Variants in CXCL13 observed in about 807,000 individuals in gnomAD.
CXCL13 encodes the protein C-X-C motif chemokine 13.
In CXCL13, 7 loss-of-function variants were observed where a neutral mutation model predicts 12.2. The ratio of observed to expected loss-of-function variants is 0.57; its 90% confidence interval spans 0.33 to 1.07. The LOEUF is 1.07. Ranked by LOEUF, CXCL13 falls within the 50% of genes least tolerant of loss-of-function variation. The pLI is 0.04. For synonymous variants in CXCL13, 47 were observed against 42.4 expected (o/e 1.11, Z -0.42); for missense variants, 113 against 127.4 (o/e 0.89, Z 0.55).
chr4:77,597,948 T>A (rs1190939700), intron 1 of CXCL13, among the ~76,000 whole-genome samples: 1 of 152,196 alleles, frequency 6.6e-6, no homozygotes, highest in Non-Finnish European at 1.5e-5. Context: ...TCTTCGGAAC[T>A]TTGGCAAGCC....
chr4:77,516,730 T>C (rs1298144041), intron 1 of CXCL13, among the ~76,000 whole-genome samples: 3 of 152,192 alleles, frequency 2.0e-5, no homozygotes, highest in Non-Finnish European at 4.4e-5. Context: ...TAGTGGTCTA[T>C]CAATTTTGTT....
At chr4:77,521,711 T>C (rs1039765607) in intron 1 of CXCL13, among the ~76,000 whole-genome samples, 5 of 152,208 alleles carry the variant, frequency 3.3e-5, no homozygotes, top group African/African-American at 1.2e-4. Context: ...TGTCTCTCTT[T>C]CAATTCTTCT....
chr4:77,583,995 A>T (rs1395168206), intron 1 of CXCL13, among the ~76,000 whole-genome samples: 1 of 152,210 alleles, frequency 6.6e-6, no homozygotes, highest in Non-Finnish European at 1.5e-5. Flanking sequence ...AAAGTGGCAG[A>T]CAGGCAAGGT....
intron 1 of CXCL13, among the ~76,000 whole-genome samples, chr4:77,540,475 G>C (rs1273178887): frequency 6.6e-6 from 1 of 152,028 alleles, no homozygotes; most frequent in Non-Finnish European, 1.5e-5. Context: ...ACGTCCATGA[G>C]TACCCAGTGT....
intron 1 of CXCL13, among the ~76,000 whole-genome samples, chr4:77,538,559 T>A (rs187579654): frequency 1.8e-4 from 28 of 152,122 alleles, no homozygotes; most frequent in African/African-American, 6.5e-4. Flanking sequence ...CTGGCTAATT[T>A]GAAGAGAAAA....
In CXCL13 at chr4:77,607,818, T is replaced by C; in HGVS notation, c.180T>C (p.Cys60=). Residue 60 remains cysteine (C), a synonymous_variant, in exon 2 of 4, where the codon TGT becomes TGC. Coordinates refer to ENST00000682537, the MANE Select transcript of CXCL13 (RefSeq NM_001371558.1). ...AAATCTTGCCCCGTGGGAATGGTTGTCCAAGAAAAGAAATCATGTAAGTTT... is the reference window on the plus strand; with the variant it reads ...AAATCTTGCCCCGTGGGAATGGTTGCCCAAGAAAAGAAATCATGTAAGTTT... ...RIQILPRGNG[C]PRKEIIVWKK... is the part of the protein sequence containing the mutation. 1 of 1,614,006 alleles carries C rather than the reference T, an allele frequency of 6.2e-7. No homozygotes were observed. Among genetic ancestry groups the C allele is most frequent in the Non-Finnish European group, 8.5e-7 (1 of 1,179,970 alleles).
chr4:77,572,271 C>T (rs1480338886), intron 1 of CXCL13, among the ~76,000 whole-genome samples: 2 of 151,844 alleles, frequency 1.3e-5, no homozygotes, highest in Non-Finnish European at 2.9e-5. Context: ...AGTGGTGGCA[C>T]ATGCCTGTAA....
Position 77,529,368 on chromosome 4 carries a change from G to A in CXCL13, c.-43+17580G>A, listed in dbSNP as rs1033592958. ...GCATTGAATCTATAAATTACCTTGG[G>A]CAGAATGGCCATTTTCACAATATTG... On this transcript the variant is annotated intron_variant, in intron 1 of 4. Transcript: ENST00000286758. Among the ~76,000 whole-genome samples the A allele has an allele frequency of 7.2e-5, 11 of 152,266 alleles. 1 individual carries two copies. Among genetic ancestry groups the A allele is most frequent in the Admixed American group, 4.6e-4 (7 of 15,296 alleles).
At chr4:77,553,760 T>C (rs144196591) in intron 1 of CXCL13, among the ~76,000 whole-genome samples, 49 of 152,322 alleles carry the variant, frequency 3.2e-4, no homozygotes, top group African/African-American at 1.2e-3. Context: ...ACTACCTCGC[T>C]GTTTCCGAGT....
At chr4:77,597,985 A>G (rs1465643045) in intron 1 of CXCL13, among the ~76,000 whole-genome samples, 4 of 152,228 alleles carry the variant, frequency 2.6e-5, no homozygotes, top group African/African-American at 4.8e-5. Flanking sequence ...GCTTGATGTC[A>G]TTGGAGCTTG....
chr4:77,527,906 T>C (rs974904657), intron 1 of CXCL13, among the ~76,000 whole-genome samples: 1 of 152,134 alleles, frequency 6.6e-6, no homozygotes, highest in African/African-American at 2.4e-5. Context: ...ATTAGGTATA[T>C]CTCCTAATGC....
intron 1 of CXCL13, among the ~76,000 whole-genome samples, chr4:77,538,611 TAGTC>T (rs1177703873): frequency 2.6e-5 from 4 of 152,062 alleles, no homozygotes; most frequent in Non-Finnish European, 2.9e-5. Flanking sequence ...AAGAGGGTAA[TAGTC>T]AGGTTCACTC....
chr4:77,519,689 C>T (rs184521999), intron 1 of CXCL13, among the ~76,000 whole-genome samples: 1 of 152,248 alleles, frequency 6.6e-6, no homozygotes, highest in East Asian at 1.9e-4. Context: ...ATGGTAGTTT[C>T]TTTTGCTGTG....
At chr4:77,571,316 G>A (rs575040010) in intron 1 of CXCL13, among the ~76,000 whole-genome samples, 2,268 of 151,826 alleles carry the variant, frequency 0.015, 114 homozygotes, top group African/African-American at 0.052. Context: ...TCAGCACCCT[G>A]TGTTTAGCTC....
intron 1 of CXCL13, among the ~76,000 whole-genome samples, chr4:77,566,218 T>C (rs980074403): frequency 1.3e-5 from 2 of 152,222 alleles, no homozygotes; most frequent in African/African-American, 4.8e-5. Context: ...AATGGCCTTA[T>C]GGGATAAACT....
At position 77,607,734 on chromosome 4, in the gene CXCL13, G is replaced by T; in HGVS notation, c.96G>T (p.Arg32Ser). ...GVLEVYYTSL[R>S]CRCVQESSVF... is the part of the protein sequence containing the mutation. ...TGGAGGTCTATTACACAAGCTTGAG[G>T]TGTAGATGTGTCCAAGAGAGCTCAG... is the stretch of plus-strand genomic sequence containing the variant. The change falls in exon 2 of 4, where the codon AGG (arginine) becomes AGT (serine). Residue 32 changes from arginine (R) to serine (S), a missense_variant. Transcript: ENST00000682537. 2 of 1,613,950 alleles carry T rather than the reference G, an allele frequency of 1.2e-6. No individual in the cohort carries two copies. Among genetic ancestry groups the T allele is most frequent in the Non-Finnish European group, 1.7e-6 (2 of 1,179,850 alleles).
intron 1 of CXCL13, among the ~76,000 whole-genome samples, chr4:77,557,963 C>G (rs1725698694): frequency 6.6e-6 from 1 of 152,182 alleles, no homozygotes; most frequent in African/African-American, 2.4e-5. Context: ...TTCCATGCCT[C>G]TAAGAGCCAT....
At position 77,565,521 on chromosome 4, in the gene CXCL13, A is replaced by AAT. The variant is rs375759603; in HGVS notation, c.-42-40290_-42-40289dup. Among the ~76,000 whole-genome samples the AAT allele has an allele frequency of 9.3e-3, 1,416 of 151,960 alleles. 17 individuals are homozygous for AAT. Among genetic ancestry groups the AAT allele is most frequent in the African/African-American group, 0.032 (1,320 of 41,460 alleles). ...AAACATACAGTGTTTTCATCAGGAA[A>AAT]ATATATATATATATTTGCAGGGTCA... On this transcript the variant is annotated intron_variant, in intron 1 of 4. Coordinates refer to the CXCL13 transcript ENST00000286758.
upstream of CXCL13, among the ~76,000 whole-genome samples, chr4:77,605,432 G>A (rs1726978278): frequency 6.6e-6 from 1 of 152,110 alleles, no homozygotes; most frequent in South Asian, 2.1e-4. Flanking sequence ...TGATGCGCTC[G>A]ACGGAGTCCC....
Sources: allele counts gnomAD v4.1 joint callset (sites outside exome capture counted in the v4.1 genomes callset), GRCh38; gene constraint gnomAD v4.1.1; transcripts MANE v1.5; gene names NCBI Gene and HGNC (gene_info 2026-07-23, HGNC 2026-07-21).